Variants in PPP2R2B observed in about 807,000 individuals in gnomAD.
The protein encoded by PPP2R2B is protein phosphatase 2 regulatory subunit Bbeta, also known as serine/threonine-protein phosphatase 2A 55 kDa regulatory subunit B beta isoform.
PPP2R2B carries 5 observed loss-of-function variants against 46.0 expected under a neutral mutation model. That is an observed-to-expected ratio of 0.11 (90% CI 0.06 to 0.23). The LOEUF is 0.23. Among genes scored for constraint, PPP2R2B ranks in the 10% least tolerant of loss-of-function variants. PPP2R2B has a pLI of 1.00. For missense variants in PPP2R2B, 367 were observed against 575.0 expected, an observed-to-expected ratio of 0.64 and a Z score of 3.70; for synonymous variants, 215 against 206.7, an observed-to-expected ratio of 1.04 and a Z score of -0.34.
At chr5:146,771,622 C>T (rs1273011665) in intron 2 of PPP2R2B, among the ~76,000 whole-genome samples, 1 of 152,166 alleles carries the variant, frequency 6.6e-6, no homozygotes, top group African/African-American at 2.4e-5. Flanking sequence ...ATCAGTCCTG[C>T]CCTTCTTGAA....
At chr5:146,920,012 G>A (rs1484665047) in intron 1 of PPP2R2B, among the ~76,000 whole-genome samples, 1 of 152,024 alleles carries the variant, frequency 6.6e-6, no homozygotes, top group African/African-American at 2.4e-5. Flanking sequence ...TCTAAAAAAT[G>A]GGCTTACAAA....
intron 7 of PPP2R2B, among the ~76,000 whole-genome samples, chr5:146,625,871 GAAGA>G (rs1302481263): frequency 1.3e-5 from 2 of 152,186 alleles, no homozygotes; most frequent in Non-Finnish European, 2.9e-5. Flanking sequence ...CTTAAAAGTG[GAAGA>G]GAGAGGCAGG....
intron 1 of PPP2R2B, among the ~76,000 whole-genome samples, chr5:147,008,064 CA>C (rs1754532072): frequency 2.0e-5 from 3 of 152,102 alleles, no homozygotes; most frequent in Admixed American, 2.0e-4. Flanking sequence ...TATTGAACAT[CA>C]ATGAAATAAA....
At chr5:146,785,361 A>C (rs1755770753) in intron 2 of PPP2R2B, among the ~76,000 whole-genome samples, 1 of 152,146 alleles carries the variant, frequency 6.6e-6, no homozygotes, top group Non-Finnish European at 1.5e-5. Context: ...AGCTTGGGCA[A>C]CATAGTGAAA....
intron 2 of PPP2R2B, among the ~76,000 whole-genome samples, chr5:146,832,383 T>A (rs1182377333): frequency 2.3e-5 from 3 of 129,048 alleles, no homozygotes; most frequent in East Asian, 2.2e-4. Context: ...TTTAATCTTT[T>A]TTTTTTTTTT....
chr5:146,698,716 A>C (rs2151164179), intron 3 of PPP2R2B, among the ~76,000 whole-genome samples: 1 of 151,872 alleles, frequency 6.6e-6, no homozygotes, highest in African/African-American at 2.4e-5. Flanking sequence ...GCTCATAAGG[A>C]GCAGATTTGG....
rs536642108 is a variant in PPP2R2B at position 147,032,812 on chromosome 5, T to C, written c.79+22853A>G. ...TTTGCTATTGTAAATTGTGCTGCTA[T>C]AAACGTGCGTGTGCAAGTATCTTTT... On this transcript the variant is annotated intron_variant, in intron 1 of 8. Transcript: ENST00000336640. Among the ~76,000 whole-genome samples the C allele has an allele frequency of 3.3e-5, 5 of 152,386 alleles. No individual in the cohort carries two copies. In the East Asian group the frequency reaches 9.6e-4, roughly 29 times the overall value.
chr5:146,919,148 A>G (rs1561518311), intron 1 of PPP2R2B, among the ~76,000 whole-genome samples: 1 of 152,230 alleles, frequency 6.6e-6, no homozygotes, highest in Non-Finnish European at 1.5e-5. Context: ...CCAAGCTTTG[A>G]ATCAAAGACT....
At chr5:146,821,761 G>A (rs1028202587) in intron 2 of PPP2R2B, among the ~76,000 whole-genome samples, 1 of 150,226 alleles carries the variant, frequency 6.7e-6, no homozygotes, top group East Asian at 2.0e-4. Flanking sequence ...TAGACCTCAT[G>A]TGCCTAGTAC....
chr5:146,962,762 C>T (rs1055158042), intron 1 of PPP2R2B, among the ~76,000 whole-genome samples: 1 of 152,144 alleles, frequency 6.6e-6, no homozygotes, highest in Admixed American at 6.5e-5. Context: ...TTCTCATCAC[C>T]CTCAAGTTCG....
Position 146,962,650 on chromosome 5 carries a change from T to TA in PPP2R2B, c.79+93014dup, listed in dbSNP as rs149324519. Among the ~76,000 whole-genome samples the TA allele has an allele frequency of 5.4e-3, 792 of 145,758 alleles. 10 individuals carry two copies. Among genetic ancestry groups the TA allele is most frequent in the Admixed American group, 0.027 (390 of 14,574 alleles). On this transcript the variant is annotated intron_variant, in intron 1 of 8. Coordinates refer to the PPP2R2B transcript ENST00000336640. ...CCAGACTGGGCAAAAATAAAAATAA[T>TA]AAAAAAAAAACAACCTTAAAGCAAA...
intron 2 of PPP2R2B, among the ~76,000 whole-genome samples, chr5:146,810,556 T>C (rs1447037322): frequency 6.6e-6 from 1 of 152,074 alleles, no homozygotes. Context: ...GAGCAAGTAA[T>C]TTGCCCAAAG....
chr5:146,878,346 T>C lies in PPP2R2B; in HGVS notation c.-124-151A>G. ...CAGTTCCCAGCGAGGATGCTGCGCC[T>C]GCCTCCGCTGCCTCCGGGTGCCAAG... On this transcript the variant is annotated intron_variant, in intron 1 of 9. Transcript: ENST00000394411. The surrounding 1 kb of genome is among the most constrained non-coding windows in gnomAD (Gnocchi z 4.5). 1 of 1,435,550 alleles carries C rather than the reference T, an allele frequency of 7.0e-7. No homozygotes were observed. The highest frequency in any genetic ancestry group is 9.1e-7 in the Non-Finnish European group (1 of 1,101,344). 88.9% of individuals were successfully genotyped at this position (1,435,550 alleles called of 1,614,324 possible). A position where few individuals can be genotyped will look rare whatever the true frequency, so the allele number is the denominator to read the frequency against.
rs1253530834 is a variant in PPP2R2B at position 146,589,678 on chromosome 5, A to G, written c.*269T>C. ...CCCACCAGAGAAAACTGGGCAATAA[A>G]AGCATCAGAAGTTCAAGTCAACTAT... On this transcript the variant is annotated 3_prime_UTR_variant, in exon 10 of 10. Coordinates refer to ENST00000394411, the MANE Select transcript of PPP2R2B (RefSeq NM_181675.4). 2 of 413,670 alleles carry G rather than the reference A, an allele frequency of 4.8e-6. No homozygotes were observed. The highest frequency in any genetic ancestry group is 4.0e-5 in the African/African-American group (2 of 50,092). The allele number at this position is 413,670 out of a possible 1,614,324, so 25.6% of individuals were successfully genotyped here.
chr5:147,005,783 GAGAA>G (rs1340227961), intron 1 of PPP2R2B, among the ~76,000 whole-genome samples: 1 of 147,638 alleles, frequency 6.8e-6, no homozygotes, highest in African/African-American at 2.6e-5. Flanking sequence ...GTCAGAAAGA[GAGAA>G]AGAGAGAGAC....
At chr5:146,652,774 AG>A (rs1776065499) in intron 5 of PPP2R2B, among the ~76,000 whole-genome samples, 3 of 151,736 alleles carry the variant, frequency 2.0e-5, no homozygotes, top group Non-Finnish European at 4.4e-5. Context: ...CCCCCCAAAA[AG>A]TTTTGCCATT....
intron 9 of PPP2R2B, 32 bp from the exon 10 acceptor site, chr5:146,590,258 T>TTA (rs780138187): frequency 2.0e-6 from 3 of 1,531,926 alleles, no homozygotes; most frequent in Non-Finnish European, 2.6e-6. Flanking sequence ...CAATGACATA[T>TTA]CTTCACTGTC....
chr5:146,886,735 C>G (rs1762340634), intron 1 of PPP2R2B, among the ~76,000 whole-genome samples: 1 of 151,698 alleles, frequency 6.6e-6, no homozygotes. Flanking sequence ...AATGGTTATG[C>G]GTAGTTTTCT....
At chr5:146,871,009 T>C (rs907194514) in intron 2 of PPP2R2B, among the ~76,000 whole-genome samples, 1 of 152,212 alleles carries the variant, frequency 6.6e-6, no homozygotes, top group African/African-American at 2.4e-5. Flanking sequence ...CTGGGTTATT[T>C]CTGACAAAGT....
Sources: allele counts gnomAD v4.1 joint callset (sites outside exome capture counted in the v4.1 genomes callset), GRCh38; gene constraint gnomAD v4.1.1; non-coding constraint Gnocchi (gnomAD v3.1); transcripts MANE v1.5; gene names NCBI Gene and HGNC (gene_info 2026-07-23, HGNC 2026-07-21).